EDIL3: variants seen among roughly 807,000 people sequenced by gnomAD.
The protein encoded by EDIL3 is EGF-like repeat and discoidin I-like domain-containing protein 3.
In EDIL3, 37 loss-of-function variants were observed where a neutral mutation model predicts 67.4. The observed-to-expected ratio is 0.55, with a 90% CI of 0.42 to 0.72. The LOEUF (loss-of-function observed/expected upper bound fraction) is 0.72, where lower values mean the gene tolerates loss of function less well. Ranked by LOEUF, EDIL3 falls within the 30% of genes least tolerant of loss-of-function variation. The pLI is 0.00. For synonymous variants in EDIL3, 195 were observed against 196.3 expected, an observed-to-expected ratio of 0.99 and a Z score of 0.05; for missense variants, 527 against 586.3, an observed-to-expected ratio of 0.90 and a Z score of 1.04.
intron 1 of EDIL3, among the ~76,000 whole-genome samples, chr5:84,362,120 C>T (rs1267126500): frequency 6.6e-6 from 1 of 152,006 alleles, no homozygotes; most frequent in East Asian, 1.9e-4. Context: ...CATATATTAA[C>T]AGGTTTCCTA....
At chr5:84,085,044 A>G (rs1456007444) in intron 6 of EDIL3, among the ~76,000 whole-genome samples, 2 of 152,240 alleles carry the variant, frequency 1.3e-5, no homozygotes, top group African/African-American at 4.8e-5. Flanking sequence ...AATTTTAAAA[A>G]TCATATGAGT....
chr5:84,305,958 G>C (rs1746266763), intron 1 of EDIL3, among the ~76,000 whole-genome samples: 1 of 151,846 alleles, frequency 6.6e-6, no homozygotes, highest in Non-Finnish European at 1.5e-5. Context: ...TGTGCATATT[G>C]TCCTTACTTT....
chr5:84,377,992 C>T (rs750764056), intron 1 of EDIL3, among the ~76,000 whole-genome samples: 1 of 152,176 alleles, frequency 6.6e-6, no homozygotes, highest in Non-Finnish European at 1.5e-5. Context: ...AATAGCAGCA[C>T]ATTTTCTAAA....
chr5:84,113,158 C>T (rs982056957), intron 5 of EDIL3, among the ~76,000 whole-genome samples: 3 of 152,108 alleles, frequency 2.0e-5, no homozygotes, highest in Non-Finnish European at 4.4e-5. Flanking sequence ...GGCATAGTGG[C>T]AATTCGATCA....
intron 6 of EDIL3, among the ~76,000 whole-genome samples, chr5:84,095,877 C>G (rs2112272638): frequency 6.6e-6 from 1 of 152,314 alleles, no homozygotes; most frequent in Middle Eastern, 3.4e-3. Context: ...CATCATAGGC[C>G]TGAAGGCCTA....
intron 9 of EDIL3, among the ~76,000 whole-genome samples, chr5:84,058,734 T>C (rs929847934): frequency 6.6e-6 from 1 of 152,170 alleles, no homozygotes; most frequent in Non-Finnish European, 1.5e-5. Context: ...AGGAATATTT[T>C]AAGCAAGGGG....
At position 84,371,448 on chromosome 5, in the gene EDIL3, TATAG is replaced by T. The variant is rs1426091482; in HGVS notation, c.67+12856_67+12859del. Among the ~76,000 whole-genome samples, 152 of 93,194 alleles carry T rather than the reference TATAG, an allele frequency of 1.6e-3. 1 individual carries two copies. Among genetic ancestry groups the T allele is most frequent in the East Asian group, 4.1e-3 (17 of 4,188 alleles). The allele number at this position is 93,194 out of a possible 152,430, so 61.1% of individuals were successfully genotyped here. On this transcript the variant is annotated intron_variant, in intron 1 of 10. Coordinates refer to ENST00000296591, the MANE Select transcript of EDIL3 (RefSeq NM_005711.5). ...ATATGTGTGTGTATATATATATATA[TATAG>T]AGAGAGAGAGAGAGAGAGAGAGAGA...
intron 9 of EDIL3, among the ~76,000 whole-genome samples, chr5:84,025,667 T>C (rs1378001377): frequency 6.6e-6 from 1 of 152,192 alleles, no homozygotes; most frequent in African/African-American, 2.4e-5. Context: ...GTACTACCTC[T>C]ATGCACCCAT....
At chr5:84,222,204 G>A (rs1383404962) in intron 3 of EDIL3, among the ~76,000 whole-genome samples, 1 of 151,830 alleles carries the variant, frequency 6.6e-6, no homozygotes, top group Non-Finnish European at 1.5e-5. Context: ...TCTGTTTCCT[G>A]TATGTATACA....
At chr5:84,372,073 T>C (rs1747867260) in intron 1 of EDIL3, among the ~76,000 whole-genome samples, 3 of 152,076 alleles carry the variant, frequency 2.0e-5, no homozygotes, top group Admixed American at 2.0e-4. Flanking sequence ...CTTCAAAAAT[T>C]AAAAAATACA....
At chr5:83,976,956 T>C (rs1357641458) in intron 9 of EDIL3, among the ~76,000 whole-genome samples, 1 of 151,828 alleles carries the variant, frequency 6.6e-6, no homozygotes, top group East Asian at 1.9e-4. Flanking sequence ...ACATTCCATA[T>C]ATGCATAAAT....
chr5:84,379,184 T>C (rs371540209), intron 1 of EDIL3, among the ~76,000 whole-genome samples: 3 of 152,178 alleles, frequency 2.0e-5, no homozygotes, highest in East Asian at 3.8e-4. Flanking sequence ...GGTGAATCTG[T>C]AACATAGTTT....
intron 1 of EDIL3, among the ~76,000 whole-genome samples, chr5:84,321,017 G>A (rs575026792): frequency 7.1e-4 from 108 of 152,160 alleles, no homozygotes; most frequent in Admixed American, 1.3e-3. Context: ...TTTTAGATAT[G>A]TTTTTTCTTT....
chr5:84,241,719 AAGTC>A (rs138798842), intron 2 of EDIL3, among the ~76,000 whole-genome samples: 11,746 of 151,542 alleles, frequency 0.078, 584 homozygotes, highest in South Asian at 0.2. Flanking sequence ...TAAAAATAAT[AAGTC>A]AGTACTTATT....
intron 10 of EDIL3, among the ~76,000 whole-genome samples, chr5:83,948,750 T>C (rs1489267628): frequency 6.6e-6 from 1 of 151,834 alleles, no homozygotes; most frequent in African/African-American, 2.4e-5. Context: ...ATAAAAAGTC[T>C]GAAACCAAAG....
At chr5:84,309,598 G>A (rs1746345006) in intron 1 of EDIL3, among the ~76,000 whole-genome samples, 1 of 151,602 alleles carries the variant, frequency 6.6e-6, no homozygotes, top group South Asian at 2.1e-4. Flanking sequence ...ACGGTGTTTG[G>A]TTTTTTGTCC....
chr5:84,201,716 G>C (rs1268851505), intron 3 of EDIL3, among the ~76,000 whole-genome samples: 2 of 152,062 alleles, frequency 1.3e-5, no homozygotes, highest in East Asian at 1.9e-4. Context: ...AACTTGAAAG[G>C]TTCCAAATTC....
intron 1 of EDIL3, among the ~76,000 whole-genome samples, chr5:84,354,109 A>C (rs1747422319): frequency 6.6e-6 from 1 of 152,222 alleles, no homozygotes; most frequent in South Asian, 2.1e-4. Context: ...AGGACCAAAT[A>C]AAATAATATC....
chr5:84,197,163 G>A (rs1743727809), intron 3 of EDIL3, among the ~76,000 whole-genome samples: 1 of 151,916 alleles, frequency 6.6e-6, no homozygotes. Context: ...TTTAGTCAAT[G>A]GCCTCTAGAA....
Sources: gnomAD v4.1 joint callset for allele counts (sites outside exome capture counted in the v4.1 genomes callset) on GRCh38, gnomAD v4.1.1 for gene constraint, MANE v1.5 for transcripts, NCBI Gene and HGNC (gene_info 2026-07-23, HGNC 2026-07-21) for gene names.